ASIC2: variants seen among roughly 807,000 people sequenced by gnomAD.
ASIC2 encodes acid sensing ion channel subunit 2.
ASIC2 carries 25 observed loss-of-function variants against 57.3 expected under a neutral mutation model. That is an observed-to-expected ratio of 0.44 (90% CI 0.32 to 0.61). ASIC2 has a LOEUF of 0.61. Among genes scored for constraint, ASIC2 ranks in the 20% least tolerant of loss-of-function variants. The pLI is 0.06. For synonymous variants in ASIC2, 319 were observed against 307.5 expected, an observed-to-expected ratio of 1.04 and a Z score of -0.39; for missense variants, 641 against 738.1, an observed-to-expected ratio of 0.87 and a Z score of 1.52.
At chr17:33,685,735 G>A (rs901069922) in intron 1 of ASIC2, among the ~76,000 whole-genome samples, 1 of 152,114 alleles carries the variant, frequency 6.6e-6, no homozygotes, top group East Asian at 1.9e-4. Flanking sequence ...TTTCTTAGCT[G>A]ATCCTCTCAA....
chr17:33,948,629 GAAAA>G (rs1291427286), intron 1 of ASIC2, among the ~76,000 whole-genome samples: 3 of 152,226 alleles, frequency 2.0e-5, no homozygotes, highest in Non-Finnish European at 2.9e-5. Flanking sequence ...CCTGGCTTTA[GAAAA>G]CCTGGAATCC....
At chr17:33,464,022 GT>G (rs937770757) in intron 1 of ASIC2, among the ~76,000 whole-genome samples, 5 of 152,120 alleles carry the variant, frequency 3.3e-5, no homozygotes, top group African/African-American at 1.2e-4. Context: ...AAACAATCCA[GT>G]TTTGAAATTC....
chr17:33,668,322 A>G (rs913534977), intron 1 of ASIC2, among the ~76,000 whole-genome samples: 2 of 149,152 alleles, frequency 1.3e-5, no homozygotes, highest in African/African-American at 5.0e-5. Flanking sequence ...AAGTAGAAAA[A>G]GAACACAACT....
At chr17:34,085,568 G>A (rs909917108) in intron 1 of ASIC2, among the ~76,000 whole-genome samples, 3 of 152,198 alleles carry the variant, frequency 2.0e-5, no homozygotes, top group African/African-American at 4.8e-5. Flanking sequence ...GAGTTGGGGA[G>A]AATTCCCTCT....
intron 1 of ASIC2, among the ~76,000 whole-genome samples, chr17:33,890,394 T>C (rs994135591): frequency 6.6e-6 from 1 of 152,238 alleles, no homozygotes; most frequent in African/African-American, 2.4e-5. Context: ...ATGTCTTCTA[T>C]TGCAGCTGCA....
At chr17:33,633,218 G>A (rs1359063461) in intron 1 of ASIC2, among the ~76,000 whole-genome samples, 1 of 152,148 alleles carries the variant, frequency 6.6e-6, no homozygotes, top group African/African-American at 2.4e-5. Context: ...AAGCCCAGGG[G>A]CTTGCCACAG....
At chr17:33,487,394 C>T (rs1375086949) in intron 1 of ASIC2, among the ~76,000 whole-genome samples, 1 of 152,166 alleles carries the variant, frequency 6.6e-6, no homozygotes, top group Non-Finnish European at 1.5e-5. Flanking sequence ...TAAGGTTGCA[C>T]AGTTAAGAGC....
At chr17:33,049,964 A>G (rs1300193137) in intron 3 of ASIC2, among the ~76,000 whole-genome samples, 1 of 152,118 alleles carries the variant, frequency 6.6e-6, no homozygotes, top group Non-Finnish European at 1.5e-5. Context: ...CCACTGGACT[A>G]TCTGTCTCCT....
intron 1 of ASIC2, chr17:33,834,042 G>A (rs1913194992): frequency 6.6e-6 from 1 of 152,192 alleles, no homozygotes; most frequent in Admixed American, 6.5e-5. Flanking sequence ...CATCCTGGAT[G>A]GGAGTAAGAC....
intron 1 of ASIC2, among the ~76,000 whole-genome samples, chr17:33,327,635 C>T (rs950522832): frequency 7.9e-5 from 12 of 152,182 alleles, no homozygotes; most frequent in African/African-American, 1.9e-4. Flanking sequence ...ATATATTCAA[C>T]GTAATACATG....
At chr17:34,108,630 T>C (rs924358955) in intron 1 of ASIC2, among the ~76,000 whole-genome samples, 2 of 152,176 alleles carry the variant, frequency 1.3e-5, no homozygotes, top group Non-Finnish European at 2.9e-5. Context: ...GTTCTATAAG[T>C]GCCAATTAGG....
chr17:33,341,516 G>C (rs1907721044), intron 1 of ASIC2, among the ~76,000 whole-genome samples: 1 of 152,202 alleles, frequency 6.6e-6, no homozygotes, highest in African/African-American at 2.4e-5. Context: ...TACAATGCTA[G>C]AGTTGAGTGG....
chr17:33,578,188 T>C (rs960618216), intron 1 of ASIC2, among the ~76,000 whole-genome samples: 1 of 152,176 alleles, frequency 6.6e-6, no homozygotes, highest in African/African-American at 2.4e-5. Context: ...CACTCTACTT[T>C]GGGCCATAAT....
chr17:33,267,014 A>T (rs1243879717), intron 1 of ASIC2, among the ~76,000 whole-genome samples: 1 of 152,198 alleles, frequency 6.6e-6, no homozygotes, highest in Non-Finnish European at 1.5e-5. Context: ...TCTCAAAATT[A>T]ATGAAATTTT....
At chr17:33,927,431 A>G (rs1915847189) in intron 1 of ASIC2, among the ~76,000 whole-genome samples, 2 of 152,206 alleles carry the variant, frequency 1.3e-5, no homozygotes, top group African/African-American at 4.8e-5. Flanking sequence ...ATGAACAGAA[A>G]TAGTGCTCTT....
chr17:33,126,380 C>A (rs1307647833), intron 1 of ASIC2, among the ~76,000 whole-genome samples: 5 of 152,212 alleles, frequency 3.3e-5, no homozygotes, highest in Non-Finnish European at 7.3e-5. Flanking sequence ...AGTCCAGTCT[C>A]CTCCACTTTG....
At chr17:34,030,772 C>T (rs985401750) in intron 1 of ASIC2, among the ~76,000 whole-genome samples, 15 of 152,142 alleles carry the variant, frequency 9.9e-5, no homozygotes, top group African/African-American at 3.6e-4. Flanking sequence ...CACAGCAGTC[C>T]GAGATCAAAC....
chr17:33,986,764 C>T (rs1905832932), intron 1 of ASIC2, among the ~76,000 whole-genome samples: 1 of 152,030 alleles, frequency 6.6e-6, no homozygotes, highest in Admixed American at 6.6e-5. Context: ...CTTAATCCCC[C>T]ATTATACAAA....
At chr17:33,659,871 CAAATAAATAAATAAATAAATAAAT>C (rs145561483) in intron 1 of ASIC2, among the ~76,000 whole-genome samples, 3 of 133,288 alleles carry the variant, frequency 2.3e-5, no homozygotes, top group Non-Finnish European at 3.2e-5. Flanking sequence ...GACTCTGTCT[CAAATAAATAAATAAATAAATAAAT>C]AAATAAATAA....
Sources: allele counts gnomAD v4.1 joint callset (sites outside exome capture counted in the v4.1 genomes callset), GRCh38; gene constraint gnomAD v4.1.1; transcripts MANE v1.5; gene names NCBI Gene and HGNC (gene_info 2026-07-23, HGNC 2026-07-21).